The following ZWINT variants were observed in gnomAD, a reference collection of about 807,000 sequenced individuals.
The protein encoded by ZWINT is outer kinetochore KNL1 complex subunit ZWINT.
In ZWINT, 41 loss-of-function variants were observed where a neutral mutation model predicts 41.5. The observed-to-expected ratio is 0.99, with a 90% CI of 0.77 to 1.28. The LOEUF (loss-of-function observed/expected upper bound fraction) is 1.28, where lower values mean the gene tolerates loss of function less well. ZWINT is among the 50% of genes most tolerant of loss of function. ZWINT has a pLI of 0.00. For synonymous variants in ZWINT, 132 were observed against 126.8 expected (o/e 1.04, Z -0.28); for missense variants, 369 against 329.7 (o/e 1.12, Z -0.92).
intron 1 of ZWINT, among the ~76,000 whole-genome samples, 168 bp downstream of exon 1, chr10:56,361,028 G>A (rs1838320415): frequency 6.6e-6 from 1 of 152,246 alleles, no homozygotes; most frequent in South Asian, 2.1e-4. Context: ...TCCTGGAGCA[G>A]GCAACAGACA....
chr10:56,359,538 G>T lies in ZWINT; in HGVS notation c.424-6C>A. 1 of 1,555,692 alleles carries T rather than the reference G, an allele frequency of 6.4e-7. No individual in the cohort carries two copies. The highest frequency in any genetic ancestry group is 8.7e-7 in the Non-Finnish European group (1 of 1,155,400). ...TTCTCCATGGCCATTTGTTTCTACA[G>T]ATAAGCAAGGGAGAAAGACCAAGAG... On this transcript the variant is annotated splice_region_variant and splice_polypyrimidine_tract_variant and intron_variant, in intron 4 of 8. Coordinates refer to ENST00000373944, the MANE Select transcript of ZWINT (RefSeq NM_007057.4).
At chr10:56,359,622 CT>C (rs1483640715) in intron 4 of ZWINT, 64 bp downstream of exon 4, 33 of 1,599,622 alleles carry the variant, frequency 2.1e-5, no homozygotes, top group Non-Finnish European at 2.7e-5. Flanking sequence ...ACTCAGCTTG[CT>C]CACTCTTTCC....
rs916501181 is a variant in ZWINT at position 56,358,858 on chromosome 10, C to T, written c.570G>A (p.Gln190=). 5 of 1,614,122 alleles carry T rather than the reference C, an allele frequency of 3.1e-6. No homozygotes were observed. In the African/African-American group the frequency reaches 6.7e-5, roughly 22 times the overall value. Residue 190 remains glutamine (Q), a synonymous_variant, in exon 6 of 9, where the codon CAG becomes CAA. Coordinates refer to ENST00000373944, the MANE Select transcript of ZWINT (RefSeq NM_007057.4). The part of the protein sequence containing the change: ...GTQQELDRVF[Q]KLGNLKQQAE... ...CCTGCTGCTTCAGGTTTCCAAGTTT[C>T]TGAAACACCCTGTCAAGCTCCTGCT...
upstream of ZWINT, chr10:56,361,271 A>T: frequency 6.2e-7 from 1 of 1,605,706 alleles, no homozygotes; most frequent in Non-Finnish European, 8.5e-7. Context: ...CCTTCCCACA[A>T]TCCCTAAGAT....
chr10:56,360,398 A>G lies in ZWINT; in HGVS notation c.42-15T>C. 1 of 1,611,738 alleles carries G rather than the reference A, an allele frequency of 6.2e-7. No homozygotes were observed. Reference sequence around the variant, plus strand: ...CAGCCAGGACCCTGGAGGGGCAAGGAAACACAGGAAATTGCAGTTTCTTGT... The same window carrying G: ...CAGCCAGGACCCTGGAGGGGCAAGGGAACACAGGAAATTGCAGTTTCTTGT... On this transcript the variant is annotated splice_polypyrimidine_tract_variant and intron_variant, in intron 1 of 8. Transcript: ENST00000373944.
rs750071292 is a variant in ZWINT at position 56,358,366 on chromosome 10, T to C, written c.*41+11A>G. On this transcript the variant is annotated intron_variant, in intron 8 of 8. Transcript: ENST00000373944. ...CAGTCCAGGGACACCAAGGCCTGAG[T>C]TGGGTCTGACCTTTTCTAGGATCTT... is the stretch of plus-strand genomic sequence containing the variant. 1.9e-6 allele frequency: 3 copies of C among 1,607,272 alleles called. No individual in the cohort carries two copies. The highest frequency in any genetic ancestry group is 1.3e-5 in the African/African-American group (1 of 74,724).
intron 1 of ZWINT, 38 bp from the exon 2 acceptor site, chr10:56,360,421 TGTG>T: frequency 6.4e-7 from 1 of 1,567,922 alleles, no homozygotes; most frequent in Non-Finnish European, 8.8e-7. Context: ...TGCAGTTTCT[TGTG>T]GTGCTAGTTC....
chr10:56,360,111 T>G lies in ZWINT; in HGVS notation c.163A>C (p.Ser55Arg), dbSNP rs1462033379. 6.2e-7 allele frequency: 1 copy of G among 1,614,146 alleles called. No individual in the cohort carries two copies. Among genetic ancestry groups the G allele is most frequent in the Non-Finnish European group, 8.5e-7 (1 of 1,180,036 alleles). The change falls in exon 3 of 9, where the codon AGC becomes CGC. Residue 55 changes from serine (S) to arginine (R), a missense_variant. Ser to Arg is a moderately radical substitution (Grantham distance 110). Transcript: ENST00000373944. The part of the protein sequence containing the change: ...DSQKKDKLLC[S>R]QLQVADFLQN... Reference sequence around the variant, plus strand: ...AGGAAATCCGCTACCTGAAGCTGGCTGCAGAGCAGCTTGTCTTTCTTCTGA... The same window carrying G: ...AGGAAATCCGCTACCTGAAGCTGGCGGCAGAGCAGCTTGTCTTTCTTCTGA...
In ZWINT at chr10:56,358,553, T is replaced by C; in HGVS notation, c.792+3A>G. 1 of 1,614,032 alleles carries C rather than the reference T, an allele frequency of 6.2e-7. No individual in the cohort carries two copies. The highest frequency in any genetic ancestry group is 8.5e-7 in the Non-Finnish European group (1 of 1,179,986). ...ATGCCCACCTGTTCCATCTCTCATT[T>C]ACCTTGAAGGACACACCAGGGTCTC... On this transcript the variant is annotated splice_donor_region_variant and intron_variant, in intron 7 of 8. Transcript: ENST00000373944.
Position 56,358,038 on chromosome 10 carries a change from A to C in ZWINT, c.*189T>G. 7.2e-6 allele frequency: 4 copies of C among 554,058 alleles called. No homozygotes were observed. Among genetic ancestry groups the C allele is most frequent in the Non-Finnish European group, 7.3e-6 (2 of 274,030 alleles). 34.3% of individuals were successfully genotyped at this position (554,058 alleles called of 1,614,324 possible). On this transcript the variant is annotated 3_prime_UTR_variant, in exon 9 of 9. Transcript: ENST00000373944. ...AATAGTTGTTCCTGCCAGCATATGA[A>C]GATGAACAAATACACAACTGAGAGA...
chr10:56,360,084 G>T lies in ZWINT; in HGVS notation c.190C>A (p.Gln64Lys), dbSNP rs370444458. 5 of 1,614,134 alleles carry T rather than the reference G, an allele frequency of 3.1e-6. No individual in the cohort carries two copies. Among genetic ancestry groups the T allele is most frequent in the Non-Finnish European group, 4.2e-6 (5 of 1,180,030 alleles). Reference protein sequence around the residue: ...CSQLQVADFLQNILAQEDTAK... With the variant: ...CSQLQVADFLKNILAQEDTAK... ...GTGTCCTCCTGAGCCAGGATGTTCT[G>T]CAGGAAATCCGCTACCTGAAGCTGG... Residue 64 changes from glutamine (Q) to lysine (K), a missense_variant, in exon 3 of 9, where the codon CAG becomes AAG. Gln to Lys is a moderately conservative substitution (Grantham distance 53). Coordinates refer to ENST00000373944, the MANE Select transcript of ZWINT (RefSeq NM_007057.4).
At chr10:56,359,926 C>T (rs1838281993) in intron 3 of ZWINT, 73 bp from the exon 4 acceptor site, 1 of 1,605,726 alleles carries the variant, frequency 6.2e-7, no homozygotes, top group South Asian at 1.1e-5. Flanking sequence ...AACACTGGGC[C>T]TCCTTCCCAT....
In ZWINT at chr10:56,358,624, G is replaced by A. The variant is rs1236648674; in HGVS notation, c.724C>T (p.Gln242Ter). The change falls in exon 7 of 9, where the codon CAG becomes TAG. Residue 242 changes from glutamine (Q) to a stop codon, truncating the protein, a stop_gained. Transcript: ENST00000373944. LOFTEE classifies it high-confidence loss of function. Reference protein sequence around the residue: ...AENLPDDKPQQPTRPQEQSTG... With the variant: ...AENLPDDKPQ The stretch of plus-strand genomic sequence containing the variant: ...CTCTGCTCCTGGGGTCGAGTCGGCT[G>A]CTGGGGTTTATCATCTGGAAGATTC... 1 of 1,614,074 alleles carries A rather than the reference G, an allele frequency of 6.2e-7. No individual in the cohort carries two copies.
At chr10:56,359,351 C>G in intron 5 of ZWINT, 125 bp downstream of exon 5, 3 of 858,404 alleles carry the variant, frequency 3.5e-6, no homozygotes, top group Non-Finnish European at 5.3e-6. Flanking sequence ...GAGATTCAAG[C>G]CCATGTTGGT....
chr10:56,360,371 C>T lies in ZWINT; in HGVS notation c.54G>A (p.Glu18=). The T allele has an allele frequency of 6.2e-7, 1 of 1,614,172 alleles. No homozygotes were observed. The change falls in exon 2 of 9, where the codon GAG becomes GAA. Residue 18 remains glutamate (E), a synonymous_variant. Coordinates refer to ENST00000373944, the MANE Select transcript of ZWINT (RefSeq NM_007057.4). ...AEAAALEVLA[E]VAGILEPVGL... is the part of the protein sequence containing the mutation. ...CTACAGGTTCCAAGATGCCTGCCAC[C>T]TCAGCCAGGACCCTGGAGGGGCAAG...
At position 56,360,346 on chromosome 10, in the gene ZWINT, C is replaced by A. The variant is rs1564452626; in HGVS notation, c.79G>T (p.Gly27Cys). ...AEVAGILEPVGLQEEAELPAK... is the reference protein window; with the variant it reads ...AEVAGILEPVCLQEEAELPAK... ...GGCAGTTCTGCCTCCTCCTGCAGGCCTACAGGTTCCAAGATGCCTGCCACC... is the reference window on the plus strand; with the variant it reads ...GGCAGTTCTGCCTCCTCCTGCAGGCATACAGGTTCCAAGATGCCTGCCACC... The change falls in exon 2 of 9, where the codon GGC (glycine) becomes TGC (cysteine). Residue 27 changes from glycine (G) to cysteine (C), a missense_variant. Coordinates refer to ENST00000373944, the MANE Select transcript of ZWINT (RefSeq NM_007057.4). 6.2e-7 allele frequency: 1 copy of A among 1,614,210 alleles called. No individual in the cohort carries two copies. The highest frequency in any genetic ancestry group is 2.2e-5 in the East Asian group (1 of 44,878).
rs1564450747 is a variant in ZWINT, at chr10:56,358,104, G to A, written c.*123C>T. 1 of 649,038 alleles carries A rather than the reference G, an allele frequency of 1.5e-6. No individual in the cohort carries two copies. The highest frequency in any genetic ancestry group is 1.8e-5 in the Admixed American group (1 of 54,968). 40.2% of individuals were successfully genotyped at this position (649,038 alleles called of 1,614,324 possible). A position where few individuals can be genotyped will look rare whatever the true frequency, so the allele number is the denominator to read the frequency against. Reference sequence around the variant, plus strand: ...ATCCACAGATGCCAGAGCTTGCTGGGATGTAGTCAGAAATCAAGCTGAACT... The same window carrying A: ...ATCCACAGATGCCAGAGCTTGCTGGAATGTAGTCAGAAATCAAGCTGAACT... On this transcript the variant is annotated 3_prime_UTR_variant, in exon 9 of 9. Transcript: ENST00000373944.
intron 2 of ZWINT, 57 bp from the exon 3 acceptor site, chr10:56,360,198 A>T (rs1386765012): frequency 1.2e-6 from 2 of 1,611,830 alleles, no homozygotes; most frequent in African/African-American, 2.7e-5. Context: ...AGGTTTCCTT[A>T]AGTCTGCTCT....
Position 56,358,804 on chromosome 10 carries a change from C to A in ZWINT, c.623+1G>T. On this transcript the variant is annotated splice_donor_variant, in intron 6 of 8. Transcript: ENST00000373944. LOFTEE classifies it high-confidence loss of function. ...TCTGCAGCCCATGCTCCCGAACTTA[C>A]CTCTGCAGCTTGTCCCGCTCCTGTT... 1 of 1,614,050 alleles carries A rather than the reference C, an allele frequency of 6.2e-7. No homozygotes were observed. The highest frequency in any genetic ancestry group is 1.3e-5 in the African/African-American group (1 of 75,034).
Sources: allele counts gnomAD v4.1 joint callset (sites outside exome capture counted in the v4.1 genomes callset), GRCh38; gene constraint gnomAD v4.1.1; transcripts MANE v1.5; gene names NCBI Gene and HGNC (gene_info 2026-07-23, HGNC 2026-07-21).